The following LGALS8 variants were observed in gnomAD, a reference collection of about 807,000 sequenced individuals.
LGALS8 encodes the protein galectin-8.
In LGALS8, 30 loss-of-function variants were observed where a neutral mutation model predicts 35.9. The ratio of observed to expected loss-of-function variants is 0.83; its 90% CI spans 0.62 to 1.13. The LOEUF is 1.13. LGALS8 is among the 50% of genes most tolerant of loss of function. LGALS8 has a pLI of 0.00. For synonymous variants in LGALS8, 138 were observed against 136.1 expected, an observed-to-expected ratio of 1.01 and a Z score of -0.10; for missense variants, 366 against 388.7, an observed-to-expected ratio of 0.94 and a Z score of 0.49.
At chr1:236,518,894 CAAT>C (rs1259761616), upstream of LGALS8, among the ~76,000 whole-genome samples, 6 of 152,090 alleles carry the variant, frequency 3.9e-5, no homozygotes, top group Non-Finnish European at 1.5e-5. Context: ...AGCAACAAAA[CAAT>C]AAGCAAAATC....
Position 236,552,042 on chromosome 1 carries a change from G to C in LGALS8, c.*3881G>C. ...AGAAAGGAATGGATTCTGGTAGCAAGACAATATAATTCTCCTTTAGTTTTT... is the reference window on the plus strand; with the variant it reads ...AGAAAGGAATGGATTCTGGTAGCAACACAATATAATTCTCCTTTAGTTTTT... On this transcript the variant is annotated 3_prime_UTR_variant, in exon 10 of 10. Transcript: ENST00000366584. The C allele has an allele frequency of 6.2e-7, 1 of 1,613,568 alleles. No homozygotes were observed. The highest frequency in any genetic ancestry group is 8.5e-7 in the Non-Finnish European group (1 of 1,179,694).
intron 7 of LGALS8, 173 bp from the exon 8 acceptor site, chr1:236,543,387 C>T (rs41310565): frequency 0.011 from 7,791 of 707,936 alleles, 87 homozygotes; most frequent in African/African-American, 0.038. Flanking sequence ...TGCTTCGAGC[C>T]AGGGACAGTG....
In LGALS8 at chr1:236,527,772, G is replaced by C. The variant is rs117166159; in HGVS notation, c.45+1657G>C. ...TTTTTTGAGATATAGTTTCCCTCTGGTCACCCAGGCTGGAGTGAAATGATG... is the reference window on the plus strand; with the variant it reads ...TTTTTTGAGATATAGTTTCCCTCTGCTCACCCAGGCTGGAGTGAAATGATG... On this transcript the variant is annotated intron_variant, in intron 2 of 9. Transcript: ENST00000366584. 2.7e-3 allele frequency among the ~76,000 whole-genome samples: 412 copies of C among 151,278 alleles called. 5 individuals are homozygous for C. Among genetic ancestry groups the C allele is most frequent in the East Asian group, 0.012 (61 of 5,140 alleles).
At position 236,544,242 on chromosome 1, in the gene LGALS8, C is replaced by T. The variant is rs976074991; in HGVS notation, c.639-508C>T. 1.3e-4 allele frequency among the ~76,000 whole-genome samples: 20 copies of T among 152,218 alleles called. 1 individual carries two copies. Among genetic ancestry groups the T allele is most frequent in the African/African-American group, 4.8e-5 (2 of 41,460 alleles). On this transcript the variant is annotated intron_variant, in intron 8 of 9. Coordinates refer to ENST00000366584, the MANE Select transcript of LGALS8 (RefSeq NM_201544.4). ...CTGGGATTACAGGTGTGAGTCACCACGCCCAGCCCAGGCAACATTTTTTAG... is the reference window on the plus strand; with the variant it reads ...CTGGGATTACAGGTGTGAGTCACCATGCCCAGCCCAGGCAACATTTTTTAG...
At chr1:236,520,540 C>G (rs1183941105), upstream of LGALS8, among the ~76,000 whole-genome samples, 1 of 152,184 alleles carries the variant, frequency 6.6e-6, no homozygotes, top group Non-Finnish European at 1.5e-5. Context: ...TCTCAACACA[C>G]TTCAGAGTCA....
upstream of LGALS8, among the ~76,000 whole-genome samples, chr1:236,520,684 T>G (rs960543004): frequency 3.9e-5 from 6 of 152,182 alleles, no homozygotes; most frequent in Non-Finnish European, 8.8e-5. Context: ...ATTCCCCTGG[T>G]TGTCCCTTCT....
chr1:236,520,378 TAAA>T (rs35603699), upstream of LGALS8, among the ~76,000 whole-genome samples: 1 of 142,478 alleles, frequency 7.0e-6, no homozygotes. Flanking sequence ...ATCTTCTCTT[TAAA>T]AAAAAAAAAA....
At chr1:236,532,410 TG>T (rs1230554470) in intron 2 of LGALS8, among the ~76,000 whole-genome samples, 4 of 152,230 alleles carry the variant, frequency 2.6e-5, no homozygotes, top group African/African-American at 9.6e-5. Context: ...ATCTTTACCC[TG>T]ACTTTTAAAT....
intron 9 of LGALS8, among the ~76,000 whole-genome samples, chr1:236,547,540 A>AGAGT (rs1288575006): frequency 8.9e-6 from 1 of 112,978 alleles, no homozygotes; most frequent in Non-Finnish European, 2.1e-5. Context: ...TCATGGTCCT[A>AGAGT]GAGTTTGAGG....
rs78867830 is a variant in LGALS8 at position 236,528,394 on chromosome 1, A to AAC, written c.45+2279_45+2280insAC. 4.4e-4 allele frequency among the ~76,000 whole-genome samples: 64 copies of AAC among 145,836 alleles called. 2 individuals carry two copies. Among genetic ancestry groups the AAC allele is most frequent in the South Asian group, 8.6e-4 (4 of 4,650 alleles). On this transcript the variant is annotated intron_variant, in intron 2 of 9. Coordinates refer to ENST00000366584, the MANE Select transcript of LGALS8 (RefSeq NM_201544.4). ...GAGACTCCATCTCAAAAAAAAAAAA[A>AAC]CCCCCCCACACACAAAACCTGTTTT...
At chr1:236,531,968 T>C (rs1269160636) in intron 2 of LGALS8, among the ~76,000 whole-genome samples, 2 of 152,202 alleles carry the variant, frequency 1.3e-5, no homozygotes, top group Non-Finnish European at 2.9e-5. Flanking sequence ...TCACATAGGA[T>C]GTGCTTACAT....
At chr1:236,521,919 A>G (rs1402446575), upstream of LGALS8, among the ~76,000 whole-genome samples, 1 of 152,156 alleles carries the variant, frequency 6.6e-6, no homozygotes. Flanking sequence ...TGTTGAGACT[A>G]CATTGCAGAG....
chr1:236,541,641 T>A lies in LGALS8; in HGVS notation c.466-13T>A, dbSNP rs754326566. On this transcript the variant is annotated splice_polypyrimidine_tract_variant and intron_variant, in intron 5 of 9. Coordinates refer to ENST00000366584, the MANE Select transcript of LGALS8 (RefSeq NM_201544.4). ...CTGGATGTTACAAATTAATCTTTAT[T>A]ATCTTTTCTCAGGACTTACAAAGTA... 1 of 1,402,036 alleles carries A rather than the reference T, an allele frequency of 7.1e-7. No homozygotes were observed. Among genetic ancestry groups the A allele is most frequent in the East Asian group, 2.4e-5 (1 of 42,068 alleles). 86.8% of individuals were successfully genotyped at this position (1,402,036 alleles called of 1,614,324 possible). A position where few individuals can be genotyped will look rare whatever the true frequency, so the allele number is the denominator to read the frequency against.
upstream of LGALS8, among the ~76,000 whole-genome samples, chr1:236,519,677 A>T (rs1407863451): frequency 6.6e-6 from 1 of 152,164 alleles, no homozygotes; most frequent in Non-Finnish European, 1.5e-5. Flanking sequence ...GCGTGCTGGT[A>T]AATGTTTAAG....
rs984859778 is a variant in LGALS8, at chr1:236,526,179, A to G, written c.45+64A>G. 8 of 1,163,506 alleles carry G rather than the reference A, an allele frequency of 6.9e-6. No individual in the cohort carries two copies. Among genetic ancestry groups the G allele is most frequent in the Non-Finnish European group, 1.0e-5 (8 of 781,026 alleles). 72.1% of individuals were successfully genotyped at this position (1,163,506 alleles called of 1,614,324 possible). On this transcript the variant is annotated intron_variant, in intron 2 of 9. Coordinates refer to ENST00000366584, the MANE Select transcript of LGALS8 (RefSeq NM_201544.4). This position sits in a 1 kb window ranked among gnomAD's most constrained non-coding sequence, Gnocchi z 4.6. ...GGACAGATCCAATAGAATATTAATT[A>G]TCCATTGGGAGACAGGGCAAGAATA...
chr1:236,551,117 A>C lies in LGALS8; in HGVS notation c.*2956A>C, dbSNP rs1662719171. ...TTCAATCAAAAGAGTGAAATGAAGCACATTAACAAAGCAGGAGGCGCCACG... is the reference window on the plus strand; with the variant it reads ...TTCAATCAAAAGAGTGAAATGAAGCCCATTAACAAAGCAGGAGGCGCCACG... On this transcript the variant is annotated 3_prime_UTR_variant, in exon 10 of 10. Coordinates refer to ENST00000366584, the MANE Select transcript of LGALS8 (RefSeq NM_201544.4). 4 of 749,340 alleles carry C rather than the reference A, an allele frequency of 5.3e-6. No homozygotes were observed. Among genetic ancestry groups the C allele is most frequent in the Non-Finnish European group, 8.4e-6 (4 of 478,958 alleles). 46.4% of individuals were successfully genotyped at this position (749,340 alleles called of 1,614,324 possible).
At chr1:236,533,877 G>C (rs1253768636) in intron 2 of LGALS8, among the ~76,000 whole-genome samples, 1 of 134,692 alleles carries the variant, frequency 7.4e-6, no homozygotes, top group African/African-American at 2.6e-5. Flanking sequence ...CTGTGTCTCT[G>C]CTACTCTACC....
chr1:236,525,156 A>G (rs956535018), intron 1 of LGALS8, among the ~76,000 whole-genome samples: 1 of 152,172 alleles, frequency 6.6e-6, no homozygotes, highest in Admixed American at 6.6e-5. Flanking sequence ...GTATCTTAAT[A>G]GTATTAAAAG....
At chr1:236,535,428 T>C (rs1201992680) in intron 2 of LGALS8, among the ~76,000 whole-genome samples, 1 of 152,208 alleles carries the variant, frequency 6.6e-6, no homozygotes, top group African/African-American at 2.4e-5. Context: ...ATTTATTTAG[T>C]TGAGATCATA....
Sources: gnomAD v4.1 joint callset for allele counts (sites outside exome capture counted in the v4.1 genomes callset) on GRCh38, gnomAD v4.1.1 for gene constraint, Gnocchi (gnomAD v3.1) non-coding constraint, MANE v1.5 for transcripts, NCBI Gene and HGNC (gene_info 2026-07-23, HGNC 2026-07-21) for gene names.